TONSL: variants seen among roughly 807,000 people sequenced by gnomAD.
TONSL encodes tonsoku-like protein.
In TONSL, 112 loss-of-function variants were observed where a neutral mutation model predicts 147.1. That is an observed-to-expected ratio of 0.76 (90% CI 0.65 to 0.89). TONSL has a LOEUF of 0.89. Among genes scored for constraint, TONSL ranks in the 40% least tolerant of loss-of-function variants. The pLI is 0.00. For synonymous variants in TONSL, 868 were observed against 801.5 expected (o/e 1.08, Z -1.40); for missense variants, 1,883 against 1,864.6 (o/e 1.01, Z -0.18).
At position 144,434,052 on chromosome 8, in the gene TONSL, G is replaced by A; in HGVS notation, c.3313C>T (p.Leu1105Phe). ...TCGGGACCCAGGTGATTGGAGGAGA[G>A]GTCAAGGAGGGCCAGGCTGGGCATG... ...GTMPSLALLD[L>F]SSNHLGPEGL... is the part of the protein sequence containing the mutation. Residue 1105 changes from leucine to phenylalanine, a missense_variant, in exon 21 of 26, where the codon CTC becomes TTC. By Grantham distance (22) the Leu-to-Phe change is conservative (BLOSUM62 0). Transcript: ENST00000409379. 4 of 1,611,994 alleles carry A rather than the reference G, an allele frequency of 2.5e-6. No individual in the cohort carries two copies. Among genetic ancestry groups the A allele is most frequent in the Non-Finnish European group, 3.4e-6 (4 of 1,179,406 alleles).
intron 13 of TONSL, among the ~76,000 whole-genome samples, 194 bp from the exon 14 acceptor site, chr8:144,437,293 A>T (rs1185533551): frequency 2.0e-5 from 3 of 152,214 alleles, no homozygotes. Context: ...CAGGTGGACC[A>T]GCCACAGCAT....
Position 144,435,092 on chromosome 8 carries a change from C to G in TONSL, c.2931G>C (p.Arg977Ser), listed in dbSNP as rs1586686043. The G allele has an allele frequency of 1.9e-6, 3 of 1,605,256 alleles. No individual in the cohort carries two copies. The highest frequency in any genetic ancestry group is 1.7e-5 in the Admixed American group (1 of 59,034). ...GGGCCCCCTCTTTCCGTAGGGTGAG[C>G]CTGGGCAGCAGCCCGCAGGTCTGGT... ...RYYQTCGLLP[R>S]LTLRKEGALL... is the part of the protein sequence containing the mutation. Residue 977 changes from arginine to serine, a missense_variant, in exon 19 of 26, where the codon AGG (arginine) becomes AGC (serine). Coordinates refer to ENST00000409379, the MANE Select transcript of TONSL (RefSeq NM_013432.5).
At chr8:144,439,905 C>A in intron 11 of TONSL, 116 bp downstream of exon 11, 1 of 620,498 alleles carries the variant, frequency 1.6e-6, no homozygotes, top group South Asian at 1.9e-5. Flanking sequence ...GCCGTCCTGC[C>A]TGCCTGTGGC....
At chr8:144,437,005 G>T (rs567019790) in intron 14 of TONSL, 22 bp downstream of exon 14, 3 of 1,612,998 alleles carry the variant, frequency 1.9e-6, no homozygotes, top group Non-Finnish European at 2.5e-6. Flanking sequence ...GGTGCGCCAG[G>T]CTCCTTCTGT....
Position 144,436,188 on chromosome 8 carries a change from T to G in TONSL, c.2245A>C (p.Ser749Arg). 1 of 1,571,946 alleles carries G rather than the reference T, an allele frequency of 6.4e-7. No homozygotes were observed. The highest frequency in any genetic ancestry group is 1.1e-5 in the South Asian group (1 of 88,896). The change falls in exon 17 of 26, where the codon AGC becomes CGC. Residue 749 changes from serine to arginine, a missense_variant. Coordinates refer to ENST00000409379, the MANE Select transcript of TONSL (RefSeq NM_013432.5). ...SSSSSSEGED[S>R]AGPARPSQKR... ...TGGGACGGCCGTGCGGGGCCTGCGCTGTCCTCGCCTTCTGAGCTGCTGCTG... is the reference window on the plus strand; with the variant it reads ...TGGGACGGCCGTGCGGGGCCTGCGCGGTCCTCGCCTTCTGAGCTGCTGCTG...
chr8:144,442,991 T>G (rs1181862060), intron 4 of TONSL, 147 bp downstream of exon 4: 1 of 1,233,680 alleles, frequency 8.1e-7, no homozygotes, highest in African/African-American at 1.5e-5. Context: ...GGGGAAAGGT[T>G]GAGCGGGGCA....
rs1335193252 is a variant in TONSL at position 144,435,681 on chromosome 8, T to C, written c.2752A>G (p.Ser918Gly). The change falls in exon 17 of 26, where the codon AGC becomes GGC. Residue 918 changes from serine (S) to glycine (G), a missense_variant. By Grantham distance (56) the Ser-to-Gly change is moderately conservative. Coordinates refer to ENST00000409379, the MANE Select transcript of TONSL (RefSeq NM_013432.5). ...TPRVSEPSGD[S>G]SAAGQPLGPA... ...ACCAAGGGCTGGCCTGCCGCAGAGC[T>C]GTCCCCACTGGGCTCTGAGACCCTG... The C allele has an allele frequency of 6.2e-7, 1 of 1,607,622 alleles. No individual in the cohort carries two copies. The highest frequency in any genetic ancestry group is 2.2e-5 in the East Asian group (1 of 44,716).
At chr8:144,442,184 A>G (rs761378341) in intron 6 of TONSL, 33 bp from the exon 7 acceptor site, 1 of 1,599,408 alleles carries the variant, frequency 6.3e-7, no homozygotes, top group Admixed American at 1.7e-5. Context: ...GGTTTTGCAG[A>G]ATCCCCAAGG....
chr8:144,440,787 C>G lies in TONSL; in HGVS notation c.1095G>C (p.Met365Ile). 6.2e-7 allele frequency: 1 copy of G among 1,612,972 alleles called. No individual in the cohort carries two copies. The highest frequency in any genetic ancestry group is 1.7e-5 in the Admixed American group (1 of 60,020). Residue 365 changes from methionine (M) to isoleucine (I), a missense_variant, in exon 9 of 26, where the codon ATG (methionine) becomes ATC (isoleucine). Met to Ile is a conservative substitution (Grantham distance 10). Transcript: ENST00000409379. ...GGCGCACGGCCCCATGGTGGTCCTT[C>G]ATGTCTCCCAGTGTGGTGGCCAGGG... ...HVSLATTLGDMKDHHGAVRHY... is the reference protein window; with the variant it reads ...HVSLATTLGDIKDHHGAVRHY...
Position 144,431,075 on chromosome 8 carries a change from T to TA in TONSL, c.3809+2dup, listed in dbSNP as rs1823168305. On this transcript the variant is annotated splice_region_variant and intron_variant, in intron 24 of 25. Coordinates refer to ENST00000409379, the MANE Select transcript of TONSL (RefSeq NM_013432.5). The stretch of plus-strand genomic sequence containing the variant: ...TCAGCAGGCAGCAGGGAAAGGGCGT[T>TA]ACCTGCACAGGTCTCTAACAGCCTT... 5 of 1,613,984 alleles carry TA rather than the reference T, an allele frequency of 3.1e-6. No individual in the cohort carries two copies. The highest frequency in any genetic ancestry group is 4.2e-6 in the Non-Finnish European group (5 of 1,179,982).
rs545767023 is a variant in TONSL, at chr8:144,443,122, G to A, written c.448+16C>T. On this transcript the variant is annotated intron_variant, in intron 4 of 25. Transcript: ENST00000409379. The stretch of plus-strand genomic sequence containing the variant: ...CCGAAGTTCAGGAGGCAGAAAACGC[G>A]GAGGGGTCTGCCCACCCTCCAGCTC... 42 of 1,545,516 alleles carry A rather than the reference G, an allele frequency of 2.7e-5. No individual in the cohort carries two copies. Among genetic ancestry groups the A allele is most frequent in the African/African-American group, 2.7e-5 (2 of 73,090 alleles).
intron 7 of TONSL, 110 bp from the exon 8 acceptor site, chr8:144,441,221 T>G: frequency 1.4e-6 from 2 of 1,433,926 alleles, no homozygotes; most frequent in Non-Finnish European, 1.9e-6. Flanking sequence ...TCCACACCTC[T>G]GCCTGCCTGT....
chr8:144,433,487 G>A, intron 22 of TONSL, 101 bp downstream of exon 22: 2 of 1,164,436 alleles, frequency 1.7e-6, no homozygotes, highest in Admixed American at 2.1e-5. Flanking sequence ...GGGACCACAG[G>A]TGTTGCCCCT....
At chr8:144,440,233 G>C (rs1258700832) in intron 10 of TONSL, 23 bp from the exon 11 acceptor site, 1 of 1,578,016 alleles carries the variant, frequency 6.3e-7, no homozygotes, top group African/African-American at 1.4e-5. Context: ...GGGATGCTCA[G>C]CTCAGGACTG....
Position 144,436,597 on chromosome 8 carries a change from C to T in TONSL, c.1975G>A (p.Ala659Thr), listed in dbSNP as rs762575314. ...LDLETRQKAR[A>T]MEMLLQAAAS... ...GCCGCCTGGAGCAGCATCTCCATGG[C>T]CCTGGCCTTCTGCCGCGTCTCCAGG... Residue 659 changes from alanine (A) to threonine (T), a missense_variant, in exon 16 of 26, where the codon GCC (alanine) becomes ACC (threonine). Coordinates refer to ENST00000409379, the MANE Select transcript of TONSL (RefSeq NM_013432.5). The T allele has an allele frequency of 6.2e-7, 1 of 1,611,610 alleles. No individual in the cohort carries two copies. Among genetic ancestry groups the T allele is most frequent in the South Asian group, 1.1e-5 (1 of 91,086 alleles).
At chr8:144,433,872 C>T in intron 21 of TONSL, 106 bp downstream of exon 21, 2 of 1,466,184 alleles carry the variant, frequency 1.4e-6, no homozygotes, top group South Asian at 1.4e-5. Flanking sequence ...CCTATTACAG[C>T]CGGGCACTGG....
chr8:144,439,588 G>A (rs545316456), intron 11 of TONSL, among the ~76,000 whole-genome samples: 18 of 152,184 alleles, frequency 1.2e-4, no homozygotes, highest in Non-Finnish European at 5.9e-5. Context: ...GATGGCTTCA[G>A]TCCAAGCCCC....
Position 144,436,022 on chromosome 8 carries a change from C to A in TONSL, c.2411G>T (p.Ser804Ile). 4.5e-6 allele frequency: 7 copies of A among 1,561,410 alleles called. No homozygotes were observed. The highest frequency in any genetic ancestry group is 6.0e-6 in the Non-Finnish European group (7 of 1,157,824). The change falls in exon 17 of 26, where the codon AGC (serine) becomes ATC (isoleucine). Residue 804 changes from serine to isoleucine, a missense_variant. Coordinates refer to ENST00000409379, the MANE Select transcript of TONSL (RefSeq NM_013432.5). ...CCGCGGTGGGCCAGGCCCCAGCCGGCTCTGAGCACTGCCCACACCCCGGAT... is the reference window on the plus strand; with the variant it reads ...CCGCGGTGGGCCAGGCCCCAGCCGGATCTGAGCACTGCCCACACCCCGGAT... Reference protein sequence around the residue: ...AAIRGVGSAQSRLGPGPPRGH... With the variant: ...AAIRGVGSAQIRLGPGPPRGH...
At chr8:144,441,310 G>T in intron 7 of TONSL, 199 bp from the exon 8 acceptor site, 1 of 762,658 alleles carries the variant, frequency 1.3e-6, no homozygotes, top group Non-Finnish European at 2.0e-6. Flanking sequence ...TAAAAACTCG[G>T]GGCCAGGTAC....
Sources: gnomAD v4.1 joint callset for allele counts (sites outside exome capture counted in the v4.1 genomes callset) on GRCh38, gnomAD v4.1.1 for gene constraint, MANE v1.5 for transcripts, NCBI Gene and HGNC (gene_info 2026-07-23, HGNC 2026-07-21) for gene names.